Variants in MACROH2A1 observed in about 807,000 individuals in gnomAD.
MACROH2A1 encodes the protein macroH2A.1 histone.
A neutral mutation model predicts 31.6 loss-of-function variants in MACROH2A1; 2 were observed. The ratio of observed to expected loss-of-function variants is 0.06; its 90% confidence interval spans 0.03 to 0.20. The LOEUF (loss-of-function observed/expected upper bound fraction) is 0.20, where lower values mean the gene tolerates loss of function less well. MACROH2A1 is among the 10% of genes least tolerant of loss of function. The probability of loss-of-function intolerance (pLI) is 1.00; values close to 1 mark genes in which losing one functional copy is unlikely to be tolerated. For synonymous variants in MACROH2A1, 169 were observed against 189.6 expected (o/e 0.89, Z 0.89); for missense variants, 230 against 474.0 (o/e 0.49, Z 4.78).
At chr5:135,342,696 G>A (rs867539950) in intron 8 of MACROH2A1, among the ~76,000 whole-genome samples, 8 of 152,118 alleles carry the variant, frequency 5.3e-5, no homozygotes, top group African/African-American at 1.4e-4. Context: ...TCCCCATTCC[G>A]TTCCACCAGG....
intron 2 of MACROH2A1, among the ~76,000 whole-genome samples, chr5:135,372,465 G>A (rs1005113938): frequency 2.6e-5 from 4 of 152,242 alleles, no homozygotes; most frequent in Non-Finnish European, 5.9e-5. Flanking sequence ...TGGCCACCCA[G>A]CATTTTCACT....
At chr5:135,392,449 T>C (rs1767376671) in intron 1 of MACROH2A1, among the ~76,000 whole-genome samples, 1 of 152,184 alleles carries the variant, frequency 6.6e-6, no homozygotes, top group Non-Finnish European at 1.5e-5. Flanking sequence ...CTGTACTTTA[T>C]CCCTCCCCAT....
chr5:135,356,027 A>G (rs1272450730), intron 5 of MACROH2A1: 2 of 152,246 alleles, frequency 1.3e-5, no homozygotes, highest in Admixed American at 6.5e-5. Context: ...GGGAGGAATA[A>G]GGATCATTAA....
intron 4 of MACROH2A1, among the ~76,000 whole-genome samples, chr5:135,366,922 A>G (rs1232284848): frequency 6.6e-6 from 1 of 152,216 alleles, no homozygotes; most frequent in African/African-American, 2.4e-5. Context: ...CCTAGTGTAC[A>G]GTCAGGCTCT....
intron 2 of MACROH2A1, among the ~76,000 whole-genome samples, chr5:135,378,373 CTA>C (rs1765192682): frequency 6.6e-6 from 1 of 152,212 alleles, no homozygotes; most frequent in Non-Finnish European, 1.5e-5. Context: ...CCTGTGCGCT[CTA>C]GACTTTCCTC....
At chr5:135,395,629 C>T (rs1450678117) in intron 1 of MACROH2A1, among the ~76,000 whole-genome samples, 1 of 152,206 alleles carries the variant, frequency 6.6e-6, no homozygotes, top group African/African-American at 2.4e-5. Context: ...ACTCCTATCA[C>T]ACCAAATGAT....
At chr5:135,344,245 AAAG>A (rs1165280346) in intron 7 of MACROH2A1, 16 of 152,268 alleles carry the variant, frequency 1.1e-4, no homozygotes, top group African/African-American at 3.6e-4. Flanking sequence ...GATGCTCTGC[AAAG>A]AAGGTTTCCA....
chr5:135,334,931 C>G lies in MACROH2A1; in HGVS notation c.*45G>C, dbSNP rs1000600254. On this transcript the variant is annotated 3_prime_UTR_variant, in exon 9 of 9. Transcript: ENST00000511689. Reference sequence around the variant, plus strand: ...AAGGGGATTTTTTTTTTCTTTTAAACTGAAGGTGGGGTACATGGTGCAGCT... The same window carrying G: ...AAGGGGATTTTTTTTTTCTTTTAAAGTGAAGGTGGGGTACATGGTGCAGCT... 3.9e-6 allele frequency: 6 copies of G among 1,524,238 alleles called. No individual in the cohort carries two copies. The highest frequency in any genetic ancestry group is 5.4e-6 in the Non-Finnish European group (6 of 1,117,280). 94.4% of individuals were successfully genotyped at this position (1,524,238 alleles called of 1,614,324 possible).
At chr5:135,379,737 T>G (rs1037582503) in intron 2 of MACROH2A1, among the ~76,000 whole-genome samples, 1 of 152,176 alleles carries the variant, frequency 6.6e-6, no homozygotes, top group Non-Finnish European at 1.5e-5. Flanking sequence ...TCCTTCTCCT[T>G]TCAGTGACAA....
intron 2 of MACROH2A1, among the ~76,000 whole-genome samples, chr5:135,376,281 ATT>A (rs1764851345): frequency 6.6e-6 from 1 of 152,178 alleles, no homozygotes; most frequent in Non-Finnish European, 1.5e-5. Flanking sequence ...CAGAGACAGC[ATT>A]TGGTCCAGTC....
intron 5 of MACROH2A1, chr5:135,356,318 G>A (rs1422815820): frequency 6.6e-6 from 1 of 152,208 alleles, no homozygotes; most frequent in Non-Finnish European, 1.5e-5. Context: ...GCCAGCTTCT[G>A]ATACAAGCAG....
chr5:135,371,959 C>T (rs1764225691), intron 2 of MACROH2A1, among the ~76,000 whole-genome samples: 2 of 152,158 alleles, frequency 1.3e-5, no homozygotes, highest in African/African-American at 4.8e-5. Flanking sequence ...ACTAACAGCT[C>T]CACCCAATGC....
At chr5:135,360,681 C>T (rs1762730153) in intron 4 of MACROH2A1, 74 bp from the exon 5 acceptor site, 3 of 1,036,180 alleles carry the variant, frequency 2.9e-6, no homozygotes, top group Admixed American at 1.7e-5. Context: ...GCTCCCAAGC[C>T]TCACCCATAA....
At chr5:135,360,408 CG>C in intron 5 of MACROH2A1, 88 bp downstream of exon 5, 1 of 885,450 alleles carries the variant, frequency 1.1e-6, no homozygotes, top group Non-Finnish European at 1.9e-6. Flanking sequence ...GAGTGGCCCC[CG>C]GGATCCCCCC....
At position 135,398,201 on chromosome 5, in the gene MACROH2A1, G is replaced by A. The variant is rs1768282824; in HGVS notation, c.-34+861C>T. Among the ~76,000 whole-genome samples the A allele has an allele frequency of 6.6e-6, 1 of 152,104 alleles. No individual in the cohort carries two copies. Among genetic ancestry groups the A allele is most frequent in the African/African-American group, 2.4e-5 (1 of 41,396 alleles). ...TGAGTGATCTGTGGCCCCTGCAGGAGTGGGGGTAGGGAGCGCCATGTCGCA... is the reference window on the plus strand; with the variant it reads ...TGAGTGATCTGTGGCCCCTGCAGGAATGGGGGTAGGGAGCGCCATGTCGCA... On this transcript the variant is annotated intron_variant, in intron 1 of 8. Coordinates refer to ENST00000511689, the MANE Select transcript of MACROH2A1 (RefSeq NM_138610.3). The surrounding 1 kb of genome is among the most constrained non-coding windows in gnomAD (Gnocchi z 4.6).
At chr5:135,397,763 C>T (rs1207778479) in intron 1 of MACROH2A1, among the ~76,000 whole-genome samples, 1 of 152,164 alleles carries the variant, frequency 6.6e-6, no homozygotes, top group East Asian at 1.9e-4. Context: ...AGAGTTAACA[C>T]CTCTGACAAC....
At position 135,360,585 on chromosome 5, in the gene MACROH2A1, T is replaced by C. The variant is rs752807680; in HGVS notation, c.500A>G (p.Lys167Arg). The C allele has an allele frequency of 6.2e-7, 1 of 1,613,604 alleles. No homozygotes were observed. Among genetic ancestry groups the C allele is most frequent in the Non-Finnish European group, 8.5e-7 (1 of 1,179,552 alleles). The change falls in exon 5 of 9, where the codon AAG becomes AGG. Residue 167 changes from lysine (K) to arginine (R), a missense_variant. Physicochemically the swap from Lys to Arg is conservative, Grantham distance 26 (BLOSUM62 2). This residue lies in a region of MACROH2A1 where 183 missense variants were observed against 319.3 expected (regional missense o/e 0.57). Transcript: ENST00000511689. ...KSKKKQGEVS[K>R]AASADSTTEG... is the part of the protein sequence containing the mutation. ...GGTTGTGCTGTCGGCGCTGGCTGCC[T>C]TACTGACTTCACCCTGCTTCTTCTT... is the stretch of plus-strand genomic sequence containing the variant.
At position 135,369,328 on chromosome 5, in the gene MACROH2A1, T is replaced by C. The variant is rs1296496204; in HGVS notation, c.477+78A>G. 65 of 1,167,350 alleles carry C rather than the reference T, an allele frequency of 5.6e-5. No individual in the cohort carries two copies. The highest frequency in any genetic ancestry group is 3.9e-6 in the Non-Finnish European group (3 of 778,822). 72.3% of individuals were successfully genotyped at this position (1,167,350 alleles called of 1,614,324 possible). On this transcript the variant is annotated intron_variant, in intron 4 of 8. Coordinates refer to ENST00000511689, the MANE Select transcript of MACROH2A1 (RefSeq NM_138610.3). The surrounding 1 kb of genome is among the most constrained non-coding windows in gnomAD (Gnocchi z 4.3). Reference sequence around the variant, plus strand: ...CAGTGGGATGAGCCCACAGGGGGAATGAGGGGGGTGCCCTGGTAACCCTGT... The same window carrying C: ...CAGTGGGATGAGCCCACAGGGGGAACGAGGGGGGTGCCCTGGTAACCCTGT...
At chr5:135,339,094 C>T (rs1428734771) in intron 8 of MACROH2A1, among the ~76,000 whole-genome samples, 1 of 152,142 alleles carries the variant, frequency 6.6e-6, no homozygotes, top group African/African-American at 2.4e-5. Flanking sequence ...TCCTTAAGTT[C>T]CTCTGGAGTC....
Sources: gnomAD v4.1 joint callset for allele counts (sites outside exome capture counted in the v4.1 genomes callset) on GRCh38, gnomAD v4.1.1 for gene constraint, gnomAD v4.1.1 regional missense constraint, Gnocchi (gnomAD v3.1) non-coding constraint, MANE v1.5 for transcripts, NCBI Gene and HGNC (gene_info 2026-07-23, HGNC 2026-07-21) for gene names.